CEP290: variants seen among roughly 807,000 people sequenced by gnomAD.
CEP290 encodes the protein centrosomal protein 290, also known as centrosomal protein of 290 kDa.
In CEP290, 317 loss-of-function variants were observed where a neutral mutation model predicts 344.9. That is an observed-to-expected ratio of 0.92 (90% confidence interval 0.84 to 1.01). The LOEUF (loss-of-function observed/expected upper bound fraction) is 1.01, where lower values mean the gene tolerates loss of function less well. Among genes scored for constraint, CEP290 ranks in the 50% least tolerant of loss-of-function variants. The probability of loss-of-function intolerance (pLI) is 0.00; values close to 1 mark genes in which losing one functional copy is unlikely to be tolerated. For missense variants in CEP290, 2,754 were observed against 2,761.4 expected (o/e 1.00, Z 0.06); for synonymous variants, 932 against 895.8 (o/e 1.04, Z -0.72).
At chr12:88,059,853 A>AT in intron 48 of CEP290, 45 bp downstream of exon 48, 1 of 1,486,916 alleles carries the variant, frequency 6.7e-7, no homozygotes, top group East Asian at 2.3e-5. Flanking sequence ...AGAGGTATTA[A>AT]GTAAAATAAA....
intron 18 of CEP290, 141 bp downstream of exon 18, chr12:88,116,892 T>C (rs2039075878): frequency 6.6e-6 from 3 of 454,264 alleles, no homozygotes; most frequent in Non-Finnish European, 1.2e-5. Flanking sequence ...GAGAATGGCA[T>C]GAACCCGGGA....
In CEP290 at chr12:88,057,380, A is replaced by C. The variant is rs542106474; in HGVS notation, c.6818+1468T>G. Reference sequence around the variant, plus strand: ...GTACTAAGTAAATATCTGTTGAATAAATAGATTTCAGAGTAACTCAAAATT... The same window carrying C: ...GTACTAAGTAAATATCTGTTGAATACATAGATTTCAGAGTAACTCAAAATT... On this transcript the variant is annotated intron_variant, in intron 49 of 53. Coordinates refer to ENST00000552810, the MANE Select transcript of CEP290 (RefSeq NM_025114.4). 3.3e-5 allele frequency among the ~76,000 whole-genome samples: 5 copies of C among 152,306 alleles called. No homozygotes were observed. The East Asian group carries it at 9.7e-4, about 29-fold the overall frequency.
intron 18 of CEP290, chr12:88,115,800 T>A (rs1484263913): frequency 1.0e-6 from 1 of 984,036 alleles, no homozygotes; most frequent in African/African-American, 1.7e-5. Context: ...TCTCCGTAAC[T>A]GTTCTATAAG....
At chr12:88,059,762 G>A in intron 48 of CEP290, 136 bp downstream of exon 48, 1 of 667,886 alleles carries the variant, frequency 1.5e-6, no homozygotes, top group Non-Finnish European at 2.3e-6. Context: ...GATGACAGCA[G>A]GCATAGAAAC....
chr12:88,094,114 C>CT, intron 27 of CEP290, 139 bp from the exon 28 acceptor site: 1 of 616,892 alleles, frequency 1.6e-6, no homozygotes, highest in South Asian at 2.5e-5. Context: ...GACCTGGACT[C>CT]TAATCTTAGC....
intron 27 of CEP290, among the ~76,000 whole-genome samples, chr12:88,096,540 G>A (rs2037446270): frequency 6.6e-6 from 1 of 151,928 alleles, no homozygotes. Flanking sequence ...AATATCAAGT[G>A]ATATATAACT....
At chr12:88,058,610 C>T (rs2034205330) in intron 49 of CEP290, 4 of 501,416 alleles carry the variant, frequency 8.0e-6, no homozygotes, top group Non-Finnish European at 1.4e-5. Flanking sequence ...TTCGCCCAGC[C>T]CCAGCTCTAC....
At chr12:88,118,265 GT>G (rs759683929) in intron 17 of CEP290, among the ~76,000 whole-genome samples, 18 of 151,518 alleles carry the variant, frequency 1.2e-4, no homozygotes, top group Non-Finnish European at 2.1e-4. Flanking sequence ...TGTTTGCTTG[GT>G]TTTTGTTATT....
intron 26 of CEP290, among the ~76,000 whole-genome samples, chr12:88,101,875 C>T (rs888597142): frequency 1.3e-5 from 2 of 152,048 alleles, no homozygotes; most frequent in Non-Finnish European, 2.9e-5. Context: ...AACATAATCA[C>T]CTCTCTTTGG....
chr12:88,096,986 G>A lies in CEP290; in HGVS notation c.3005C>T (p.Ser1002Phe), dbSNP rs1429307487. The A allele has an allele frequency of 6.5e-7, 1 of 1,542,550 alleles. No individual in the cohort carries two copies. The highest frequency in any genetic ancestry group is 8.8e-7 in the Non-Finnish European group (1 of 1,137,854). Residue 1002 changes from serine (S) to phenylalanine (F), a missense_variant, in exon 27 of 54, where the codon TCC becomes TTC. Physicochemically the swap from Ser to Phe is radical, Grantham distance 155. Coordinates refer to ENST00000552810, the MANE Select transcript of CEP290 (RefSeq NM_025114.4). The stretch of plus-strand genomic sequence containing the variant: ...TATAGACTCCACTTGTTCTTTTAAG[G>A]AGATGTTTTCACACTGAATAAAGGA... Reference protein sequence around the residue: ...NLEHLECENISLKEQVESINK... With the variant: ...NLEHLECENIFLKEQVESINK...
intron 52 of CEP290, among the ~76,000 whole-genome samples, chr12:88,052,932 G>C (rs1385197764): frequency 6.6e-6 from 1 of 152,086 alleles, no homozygotes; most frequent in Non-Finnish European, 1.5e-5. Flanking sequence ...CTGAAATGAG[G>C]ATACTGAGCA....
At position 88,102,870 on chromosome 12, in the gene CEP290, C is replaced by T. The variant is rs761697552; in HGVS notation, c.2959G>A (p.Val987Ile). ...RDILQKDNMLVQRTSNLEHLE... is the reference protein window; with the variant it reads ...RDILQKDNMLIQRTSNLEHLE... ...TGTTCCAAGTTACTTGTTCTTTGAA[C>T]AAGCATATTATCTTTTTGCAAGATG... Residue 987 changes from valine to isoleucine, a missense_variant, in exon 26 of 54, where the codon GTT (valine) becomes ATT (isoleucine). Coordinates refer to ENST00000552810, the MANE Select transcript of CEP290 (RefSeq NM_025114.4). 9.9e-6 allele frequency: 16 copies of T among 1,610,236 alleles called. No homozygotes were observed. Among genetic ancestry groups the T allele is most frequent in the Non-Finnish European group, 1.4e-5 (16 of 1,178,312 alleles).
chr12:88,052,750 A>G (rs1217523181), intron 52 of CEP290, among the ~76,000 whole-genome samples: 2 of 152,188 alleles, frequency 1.3e-5, no homozygotes, highest in Non-Finnish European at 2.9e-5. Context: ...CTATTTATTT[A>G]CATAAGAAAA....
chr12:88,049,270 A>G lies in CEP290; in HGVS notation c.7354T>C (p.Leu2452=), dbSNP rs2136544711. The G allele has an allele frequency of 1.2e-6, 2 of 1,610,030 alleles. No individual in the cohort carries two copies. The highest frequency in any genetic ancestry group is 2.2e-5 in the South Asian group (2 of 90,334). ...ACAGGGCTAGTTAATTCAACTCCCA[A>G]TTGTTCTGAAAGTTTTTTTACCTTC... The part of the protein sequence containing the change: ...EEKVKKLSEQ[L]GVELTSPVAA... Residue 2452 remains leucine, a synonymous_variant, in exon 54 of 54, where the codon TTG becomes CTG. Coordinates refer to ENST00000552810, the MANE Select transcript of CEP290 (RefSeq NM_025114.4).
intron 26 of CEP290, among the ~76,000 whole-genome samples, chr12:88,100,396 T>G (rs2137491858): frequency 6.6e-6 from 1 of 152,336 alleles, no homozygotes; most frequent in Non-Finnish European, 1.5e-5. Flanking sequence ...GTTTTTGTAT[T>G]TCCTTATTAT....
rs727503852 is a variant in CEP290, at chr12:88,071,446, G to A, written c.5859C>T (p.Ala1953=). ...LNTLKDLFAK[A]DKEKLTLQRK... ...TCTGCAAAGTAAGTTTCTCTTTATCGGCTCTGTGGAATTTAATATAGAATC... is the reference window on the plus strand; with the variant it reads ...TCTGCAAAGTAAGTTTCTCTTTATCAGCTCTGTGGAATTTAATATAGAATC... The change falls in exon 43 of 54, where the codon GCC becomes GCT. Residue 1953 remains alanine, a synonymous_variant. Transcript: ENST00000552810. 12 of 1,596,770 alleles carry A rather than the reference G, an allele frequency of 7.5e-6. No individual in the cohort carries two copies. The highest frequency in any genetic ancestry group is 7.1e-5 in the Admixed American group (4 of 56,086).
At position 88,130,571 on chromosome 12, in the gene CEP290, G is replaced by A. The variant is rs776649058; in HGVS notation, c.496-6C>T. The A allele has an allele frequency of 2.3e-5, 36 of 1,570,600 alleles. No individual in the cohort carries two copies. The East Asian group carries it at 6.9e-4, about 30-fold the overall frequency. On this transcript the variant is annotated splice_region_variant and splice_polypyrimidine_tract_variant and intron_variant, in intron 7 of 53. Coordinates refer to ENST00000552810, the MANE Select transcript of CEP290 (RefSeq NM_025114.4). ...TTTTTCTTTAGACGTTTGTTCTACA[G>A]AAAAGGACAGGAAAACGGTAATTAG...
chr12:88,068,644 C>T lies in CEP290; in HGVS notation c.6013G>A (p.Ala2005Thr), dbSNP rs2035128326. ...DLENDILYMR[A>T]HQALPRDSVV... ...GAATCTCGAGGAAGAGCTTGGTGGGCCCTATGAACAACAATCACAGACTCT... is the reference window on the plus strand; with the variant it reads ...GAATCTCGAGGAAGAGCTTGGTGGGTCCTATGAACAACAATCACAGACTCT... The change falls in exon 44 of 54, where the codon GCC becomes ACC. Residue 2005 changes from alanine to threonine, a missense_variant and splice_region_variant. Physicochemically the swap from Ala to Thr is moderately conservative, Grantham distance 58 (BLOSUM62 0). Transcript: ENST00000552810. 7 of 1,593,070 alleles carry T rather than the reference C, an allele frequency of 4.4e-6. No individual in the cohort carries two copies. In the East Asian group the frequency reaches 9.2e-5, roughly 21 times the overall value.
At chr12:88,141,375 C>T in intron 1 of CEP290, 41 bp from the exon 2 acceptor site, 1 of 1,026,904 alleles carries the variant, frequency 9.7e-7, no homozygotes, top group Non-Finnish European at 1.4e-6. Flanking sequence ...TCAAGGTACA[C>T]AGTATTATTG....
Sources: allele counts gnomAD v4.1 joint callset (sites outside exome capture counted in the v4.1 genomes callset), GRCh38; gene constraint gnomAD v4.1.1; transcripts MANE v1.5; gene names NCBI Gene and HGNC (gene_info 2026-07-23, HGNC 2026-07-21).